Variants in FOXK1 observed in about 807,000 individuals in gnomAD.
FOXK1 encodes the protein forkhead box K1.
FOXK1 carries 19 observed loss-of-function variants against 51.9 expected under a neutral mutation model. The observed-to-expected ratio is 0.37, with a 90% CI of 0.26 to 0.54. The LOEUF is 0.54. Among genes scored for constraint, FOXK1 ranks in the 20% least tolerant of loss-of-function variants. The probability of loss-of-function intolerance (pLI) is 0.87; values close to 1 mark genes in which losing one functional copy is unlikely to be tolerated. For synonymous variants in FOXK1, 537 were observed against 482.6 expected (o/e 1.11, Z -1.48); for missense variants, 870 against 1,032.7 (o/e 0.84, Z 2.16).
chr7:4,739,038 C>T (rs545416416), intron 1 of FOXK1, among the ~76,000 whole-genome samples: 1 of 152,306 alleles, frequency 6.6e-6, no homozygotes, highest in Admixed American at 6.5e-5. Context: ...TTCAAAAACG[C>T]TTTGACGAAG....
At chr7:4,708,934 G>A (rs369558318) in intron 1 of FOXK1, among the ~76,000 whole-genome samples, 1 of 152,036 alleles carries the variant, frequency 6.6e-6, no homozygotes, top group Non-Finnish European at 1.5e-5. Context: ...GCGTGATGGC[G>A]TGTGCCTGTA....
chr7:4,697,536 G>C (rs1385226931), intron 1 of FOXK1, among the ~76,000 whole-genome samples: 1 of 152,132 alleles, frequency 6.6e-6, no homozygotes, highest in African/African-American at 2.4e-5. Context: ...GGCCATGCCT[G>C]GTGGCCCGTC....
At chr7:4,697,123 T>C (rs534220056) in intron 1 of FOXK1, among the ~76,000 whole-genome samples, 1 of 152,302 alleles carries the variant, frequency 6.6e-6, no homozygotes, top group Admixed American at 6.5e-5. Context: ...GGACCCAGGC[T>C]GGCACTGTCT....
rs1056213848 is a variant in FOXK1 at position 4,748,824 on chromosome 7, G to A, written c.747-5635G>A. On this transcript the variant is annotated intron_variant, in intron 2 of 8. Transcript: ENST00000328914. The surrounding 1 kb of genome is among the most constrained non-coding windows in gnomAD (Gnocchi z 4.9). Reference sequence around the variant, plus strand: ...CTCCCGAGTAGTAGGGACTACAGGTGTGCACCACCATGCCCGGCTAATTTT... The same window carrying A: ...CTCCCGAGTAGTAGGGACTACAGGTATGCACCACCATGCCCGGCTAATTTT... Among the ~76,000 whole-genome samples, 3 of 152,174 alleles carry A rather than the reference G, an allele frequency of 2.0e-5. No homozygotes were observed. Among genetic ancestry groups the A allele is most frequent in the Non-Finnish European group, 2.9e-5 (2 of 68,024 alleles).
rs948566333 is a variant in FOXK1 at position 4,749,475 on chromosome 7, G to A, written c.747-4984G>A. ...CCTCTGCAGGGAGGTTCCCCCAGGA[G>A]GCTTCAGGTGCCGCCTTGGGACGCA... is the stretch of plus-strand genomic sequence containing the variant. On this transcript the variant is annotated intron_variant, in intron 2 of 8. Transcript: ENST00000328914. This position sits in a 1 kb window ranked among gnomAD's most constrained non-coding sequence, Gnocchi z 6.0. Among the ~76,000 whole-genome samples the A allele has an allele frequency of 2.0e-5, 3 of 152,218 alleles. No individual in the cohort carries two copies. Among genetic ancestry groups the A allele is most frequent in the African/African-American group, 4.8e-5 (2 of 41,452 alleles).
At chr7:4,700,990 A>G (rs10259192) in intron 1 of FOXK1, among the ~76,000 whole-genome samples, 34,003 of 152,138 alleles carry the variant, frequency 0.22, 7,321 homozygotes, top group African/African-American at 0.57. Flanking sequence ...GTGGGAAATG[A>G]CTGCAGTGCT....
At position 4,682,626 on chromosome 7, in the gene FOXK1, G is replaced by A. The variant is rs1779766269; in HGVS notation, c.318G>A (p.Leu106=). 1 of 1,530,704 alleles carries A rather than the reference G, an allele frequency of 6.5e-7. No individual in the cohort carries two copies. The allele number at this position is 1,530,704 out of a possible 1,614,324, so 94.8% of individuals were successfully genotyped here. A position where few individuals can be genotyped will look rare whatever the true frequency, so the allele number is the denominator to read the frequency against. Residue 106 remains leucine, a synonymous_variant, in exon 1 of 9, where the codon CTG becomes CTA. Transcript: ENST00000328914. This position sits in a 1 kb window ranked among gnomAD's most constrained non-coding sequence, Gnocchi z 7.6. ...ASVRQSPGPA[L]ARLEGREFEF... is the part of the protein sequence containing the mutation. ...TACGGCAGAGCCCGGGGCCGGCGCT[G>A]GCGCGGCTGGAGGGCCGCGAGTTCG...
At position 4,753,849 on chromosome 7, in the gene FOXK1, C is replaced by G. The variant is rs1052756847; in HGVS notation, c.747-610C>G. Among the ~76,000 whole-genome samples the G allele has an allele frequency of 3.3e-5, 5 of 152,112 alleles. No homozygotes were observed. The highest frequency in any genetic ancestry group is 1.2e-4 in the African/African-American group (5 of 41,426). On this transcript the variant is annotated intron_variant, in intron 2 of 8. Transcript: ENST00000328914. The surrounding 1 kb of genome is among the most constrained non-coding windows in gnomAD (Gnocchi z 4.9). ...TCACTCCCAGCCATCTGTGGTTGCT[C>G]CAGCCTGGGAGGGAGAGGGGATGAG...
rs2115079653 is a variant in FOXK1 at position 4,764,040 on chromosome 7, T to C, written c.*1576T>C. Reference sequence around the variant, plus strand: ...TCTGCCCAGGCCCTGGCGGGAGAGCTGCAGAGGGACCCAGGTGCCTGGAGG... The same window carrying C: ...TCTGCCCAGGCCCTGGCGGGAGAGCCGCAGAGGGACCCAGGTGCCTGGAGG... On this transcript the variant is annotated 3_prime_UTR_variant, in exon 9 of 9. Coordinates refer to ENST00000328914, the MANE Select transcript of FOXK1 (RefSeq NM_001037165.2). 3.3e-5 allele frequency: 5 copies of C among 152,550 alleles called. 1 individual carries two copies. Among genetic ancestry groups the C allele is most frequent in the Admixed American group, 3.3e-4 (5 of 15,308 alleles). The allele number at this position is 152,550 out of a possible 1,614,324, so 9.4% of individuals were successfully genotyped here. A position where few individuals can be genotyped will look rare whatever the true frequency, so the allele number is the denominator to read the frequency against.
In FOXK1 at chr7:4,682,300, C is replaced by A; in HGVS notation, c.-9C>A. On this transcript the variant is annotated 5_prime_UTR_variant, in exon 1 of 9. Coordinates refer to ENST00000328914, the MANE Select transcript of FOXK1 (RefSeq NM_001037165.2). This position sits in a 1 kb window ranked among gnomAD's most constrained non-coding sequence, Gnocchi z 7.6. ...GCCGCCGCCGGAGGCCGCTCGGAGC[C>A]GCGCGAACATGGCCGAAGTCGGCGA... 4 of 987,646 alleles carry A rather than the reference C, an allele frequency of 4.1e-6. No individual in the cohort carries two copies. Among genetic ancestry groups the A allele is most frequent in the Non-Finnish European group, 4.8e-6 (4 of 833,804 alleles). The allele number at this position is 987,646 out of a possible 1,614,324, so 61.2% of individuals were successfully genotyped here. A position where few individuals can be genotyped will look rare whatever the true frequency, so the allele number is the denominator to read the frequency against.
At chr7:4,705,517 TTCTCTCTCTCTCTC>T (rs56842360) in intron 1 of FOXK1, among the ~76,000 whole-genome samples, 17 of 111,572 alleles carry the variant, frequency 1.5e-4, no homozygotes, top group African/African-American at 3.1e-4. Context: ...TTCCTTCTCT[TTCTCTCTCTCTCTC>T]TCTCTCTCTC....
chr7:4,751,288 T>C (rs1383390484), intron 2 of FOXK1, among the ~76,000 whole-genome samples: 2 of 146,718 alleles, frequency 1.4e-5, no homozygotes, highest in Middle Eastern at 4.1e-3. Flanking sequence ...CCCAAAAGCA[T>C]TGGGATTACC....
chr7:4,750,288 C>T (rs972609897), intron 2 of FOXK1, among the ~76,000 whole-genome samples: 2 of 152,092 alleles, frequency 1.3e-5, no homozygotes, highest in Non-Finnish European at 1.5e-5. Context: ...GGGGCCTGAC[C>T]GAGGCCTGGG....
At chr7:4,740,755 A>C in intron 1 of FOXK1, 83 bp from the exon 2 acceptor site, 1 of 1,399,566 alleles carries the variant, frequency 7.1e-7, no homozygotes, top group Non-Finnish European at 9.7e-7. Context: ...TTACTTAGAC[A>C]CACAGACACG....
At chr7:4,742,367 T>A (rs1294722099) in intron 2 of FOXK1, among the ~76,000 whole-genome samples, 1 of 152,162 alleles carries the variant, frequency 6.6e-6, no homozygotes, top group African/African-American at 2.4e-5. Context: ...CGGCCGCACC[T>A]TGGCTTGCTT....
Position 4,749,111 on chromosome 7 carries a change from C to A in FOXK1, c.747-5348C>A, listed in dbSNP as rs1468976658. 6.6e-6 allele frequency among the ~76,000 whole-genome samples: 1 copy of A among 152,208 alleles called. No homozygotes were observed. Among genetic ancestry groups the A allele is most frequent in the African/African-American group, 2.4e-5 (1 of 41,452 alleles). ...TCTCCAGTCTCTCCTTCCACCCTTTCTTGGATTTGTATTTCTCTTCTTTTG... is the reference window on the plus strand; with the variant it reads ...TCTCCAGTCTCTCCTTCCACCCTTTATTGGATTTGTATTTCTCTTCTTTTG... On this transcript the variant is annotated intron_variant, in intron 2 of 8. Transcript: ENST00000328914. The surrounding 1 kb of genome is among the most constrained non-coding windows in gnomAD (Gnocchi z 6.0).
chr7:4,713,919 G>A (rs889322408), intron 1 of FOXK1, among the ~76,000 whole-genome samples: 3 of 151,096 alleles, frequency 2.0e-5, no homozygotes, highest in East Asian at 2.0e-4. Context: ...TCCACCTCCC[G>A]AGTTCACGTG....
rs930260784 is a variant in FOXK1 at position 4,754,737 on chromosome 7, C to T, written c.903+122C>T. 7.2e-6 allele frequency: 9 copies of T among 1,248,712 alleles called. No individual in the cohort carries two copies. The African/African-American group carries it at 1.2e-4, about 17-fold the overall frequency. The allele number at this position is 1,248,712 out of a possible 1,614,324, so 77.4% of individuals were successfully genotyped here. On this transcript the variant is annotated intron_variant, in intron 3 of 8. Coordinates refer to ENST00000328914, the MANE Select transcript of FOXK1 (RefSeq NM_001037165.2). The stretch of plus-strand genomic sequence containing the variant: ...GTGTGCTCGAGGTGGTCTCAGCCCA[C>T]AGGGAATGGAGCCGCAGCTGGCGGT...
Position 4,682,429 on chromosome 7 carries a change from C to G in FOXK1, c.121C>G (p.Pro41Ala), listed in dbSNP as rs1306240599. The part of the protein sequence containing the change: ...AAAFPAAAPP[P>A]APAQPQPPPG... The stretch of plus-strand genomic sequence containing the variant: ...CGCCTTCCCCGCGGCCGCACCCCCG[C>G]CGGCCCCCGCGCAGCCCCAGCCTCC... Residue 41 changes from proline to alanine, a missense_variant, in exon 1 of 9, where the codon CCG (proline) becomes GCG (alanine). Pro to Ala is a conservative substitution (Grantham distance 27). Coordinates refer to ENST00000328914, the MANE Select transcript of FOXK1 (RefSeq NM_001037165.2). This position sits in a 1 kb window ranked among gnomAD's most constrained non-coding sequence, Gnocchi z 7.6. 1.0e-6 allele frequency: 1 copy of G among 981,164 alleles called. No individual in the cohort carries two copies. Among genetic ancestry groups the G allele is most frequent in the African/African-American group, 1.8e-5 (1 of 56,592 alleles). The allele number at this position is 981,164 out of a possible 1,614,324, so 60.8% of individuals were successfully genotyped here.
Sources: gnomAD v4.1 joint callset for allele counts (sites outside exome capture counted in the v4.1 genomes callset) on GRCh38, gnomAD v4.1.1 for gene constraint, Gnocchi (gnomAD v3.1) non-coding constraint, MANE v1.5 for transcripts, NCBI Gene and HGNC (gene_info 2026-07-23, HGNC 2026-07-21) for gene names.